The following LAMB1 variants were observed in gnomAD, a reference collection of about 807,000 sequenced individuals.
The protein encoded by LAMB1 is laminin subunit beta-1.
A neutral mutation model predicts 222.3 loss-of-function variants in LAMB1; 121 were observed. That is an observed-to-expected ratio of 0.54 (90% CI 0.47 to 0.63). LAMB1 has a LOEUF of 0.63. Among genes scored for constraint, LAMB1 ranks in the 30% least tolerant of loss-of-function variants. The probability of loss-of-function intolerance (pLI) is 0.00; values close to 1 mark genes in which losing one functional copy is unlikely to be tolerated. For missense variants in LAMB1, 2,172 were observed against 2,240.8 expected, an observed-to-expected ratio of 0.97 and a Z score of 0.62; for synonymous variants, 794 against 807.2, an observed-to-expected ratio of 0.98 and a Z score of 0.28.
chr7:107,967,416 G>T (rs145125645), intron 13 of LAMB1, among the ~76,000 whole-genome samples: 1 of 152,030 alleles, frequency 6.6e-6, no homozygotes, highest in South Asian at 2.1e-4. Context: ...TGTCTACCAC[G>T]GGCCAACCGA....
intron 22 of LAMB1, among the ~76,000 whole-genome samples, chr7:107,952,839 C>T (rs1382946352): frequency 6.6e-6 from 1 of 152,214 alleles, no homozygotes; most frequent in East Asian, 1.9e-4. Context: ...CTGGAAGGCT[C>T]TATTCCATCA....
Position 107,929,619 on chromosome 7 carries a change from T to A in LAMB1, c.4538A>T (p.Gln1513Leu), listed in dbSNP as rs753090875. Residue 1513 changes from glutamine (Q) to leucine (L), a missense_variant and splice_region_variant, in exon 30 of 34, where the codon CAG becomes CTG. Transcript: ENST00000222399. ...LIKQIRNFLT[Q>L]DSADLDSIEA... ...AATGCTGTCCAAATCAGCACTATCC[T>A]CTGTGAAAAGCAAAGATGTCCCCAA... is the stretch of plus-strand genomic sequence containing the variant. The A allele has an allele frequency of 6.2e-7, 1 of 1,613,584 alleles. No homozygotes were observed. The highest frequency in any genetic ancestry group is 8.5e-7 in the Non-Finnish European group (1 of 1,179,602).
chr7:107,943,033 T>C (rs1338085264), intron 24 of LAMB1, among the ~76,000 whole-genome samples: 3 of 152,230 alleles, frequency 2.0e-5, no homozygotes, highest in African/African-American at 7.2e-5. Context: ...TTCCAGGTAC[T>C]TAAAGTATGT....
At chr7:107,962,707 C>CAAAAA (rs57580761) in intron 15 of LAMB1, among the ~76,000 whole-genome samples, 198 bp downstream of exon 15, 4 of 98,668 alleles carry the variant, frequency 4.1e-5, no homozygotes, top group African/African-American at 7.1e-5. Context: ...GAGCGAGACT[C>CAAAAA]AAAAAAAAAA....
At chr7:107,971,420 A>G (rs2033746286) in intron 13 of LAMB1, among the ~76,000 whole-genome samples, 1 of 152,226 alleles carries the variant, frequency 6.6e-6, no homozygotes, top group South Asian at 2.1e-4. Flanking sequence ...CCCAAGCGGC[A>G]TCTGTGCACA....
At chr7:107,924,139 C>G (rs1366955409) in intron 33 of LAMB1, 52 bp from the exon 34 acceptor site, 4 of 1,524,640 alleles carry the variant, frequency 2.6e-6, no homozygotes, top group African/African-American at 1.4e-5. Flanking sequence ...CTATGATGAT[C>G]TCAAGACAAA....
chr7:107,978,777 A>C lies in LAMB1; in HGVS notation c.880-610T>G, dbSNP rs142757721. Among the ~76,000 whole-genome samples the C allele has an allele frequency of 3.9e-5, 6 of 152,354 alleles. No individual in the cohort carries two copies. In the East Asian group the frequency reaches 1.2e-3, roughly 29 times the overall value. On this transcript the variant is annotated intron_variant, in intron 8 of 33. Transcript: ENST00000222399. Reference sequence around the variant, plus strand: ...AGGAAATATAAGATCTCGTAAAAGAAATATATTAATTTGCCTGATGAAAGG... The same window carrying C: ...AGGAAATATAAGATCTCGTAAAAGACATATATTAATTTGCCTGATGAAAGG...
At chr7:107,996,648 C>A (rs1322737831) in intron 4 of LAMB1, among the ~76,000 whole-genome samples, 1 of 152,198 alleles carries the variant, frequency 6.6e-6, no homozygotes, top group Non-Finnish European at 1.5e-5. Context: ...AGAACTCAAG[C>A]CCCTCTACTG....
chr7:107,965,440 G>C lies in LAMB1; in HGVS notation c.1563-753C>G, dbSNP rs142582855. Among the ~76,000 whole-genome samples, 4 of 152,094 alleles carry C rather than the reference G, an allele frequency of 2.6e-5. No individual in the cohort carries two copies. The South Asian group carries it at 6.2e-4, about 24-fold the overall frequency. ...ACTAAAAATACAAAATTAGCTGGGCGTGGTGGCGCAGGCCTGTAATCCCAG... is the reference window on the plus strand; with the variant it reads ...ACTAAAAATACAAAATTAGCTGGGCCTGGTGGCGCAGGCCTGTAATCCCAG... On this transcript the variant is annotated intron_variant, in intron 13 of 33. Coordinates refer to ENST00000222399, the MANE Select transcript of LAMB1 (RefSeq NM_002291.3).
At chr7:107,987,127 G>A (rs1238597991) in intron 5 of LAMB1, among the ~76,000 whole-genome samples, 1 of 152,150 alleles carries the variant, frequency 6.6e-6, no homozygotes, top group East Asian at 1.9e-4. Context: ...CCATAAAGAG[G>A]AATGAAATGC....
intron 9 of LAMB1, among the ~76,000 whole-genome samples, chr7:107,976,594 G>A (rs1268823866): frequency 6.6e-6 from 1 of 152,042 alleles, no homozygotes; most frequent in African/African-American, 2.4e-5. Flanking sequence ...CTCCCACCTT[G>A]CCTGTCTCCC....
At chr7:107,958,561 G>C (rs572472487) in intron 20 of LAMB1, among the ~76,000 whole-genome samples, 2 of 152,354 alleles carry the variant, frequency 1.3e-5, no homozygotes, top group South Asian at 4.1e-4. Context: ...ACAGTGAAAA[G>C]GTGGAGACTA....
At chr7:107,931,240 T>TG in intron 29 of LAMB1, 116 bp downstream of exon 29, 2 of 881,412 alleles carry the variant, frequency 2.3e-6, no homozygotes, top group Non-Finnish European at 1.8e-6. Flanking sequence ...TATACGGACG[T>TG]TTTTCTTATT....
chr7:107,970,733 ATTT>A (rs112356688), intron 13 of LAMB1, among the ~76,000 whole-genome samples: 12 of 145,980 alleles, frequency 8.2e-5, no homozygotes, highest in Admixed American at 8.2e-4. Context: ...AGGTCTTATT[ATTT>A]TTTTTTTTTC....
At position 108,002,952 on chromosome 7, in the gene LAMB1, C is replaced by T. The variant is rs1295441547; in HGVS notation, c.-67G>A. The T allele has an allele frequency of 4.4e-6, 7 of 1,608,580 alleles. No individual in the cohort carries two copies. The highest frequency in any genetic ancestry group is 5.9e-6 in the Non-Finnish European group (7 of 1,178,558). ...GAAGACGCCCGCCGAGCCGCCTGCCCTTTCTTCCCGTCTTCCTTTCTGGAG... is the reference window on the plus strand; with the variant it reads ...GAAGACGCCCGCCGAGCCGCCTGCCTTTTCTTCCCGTCTTCCTTTCTGGAG... On this transcript the variant is annotated 5_prime_UTR_variant, in exon 2 of 34. Transcript: ENST00000222399.
rs775956635 is a variant in LAMB1, at chr7:107,960,719, C to T, written c.2110-70G>A. 93 of 1,353,372 alleles carry T rather than the reference C, an allele frequency of 6.9e-5. No individual in the cohort carries two copies. The Middle Eastern group carries it at 2.0e-3, about 30-fold the overall frequency. 83.8% of individuals were successfully genotyped at this position (1,353,372 alleles called of 1,614,324 possible). ...CATGGCATGGGTTTAAGCAAGCAAA[C>T]GTGTAGAAAACCCAAATGCTTCTTT... On this transcript the variant is annotated intron_variant, in intron 17 of 33. Coordinates refer to ENST00000222399, the MANE Select transcript of LAMB1 (RefSeq NM_002291.3).
intron 5 of LAMB1, among the ~76,000 whole-genome samples, chr7:107,988,345 G>A (rs1235334190): frequency 6.6e-6 from 1 of 152,180 alleles, no homozygotes; most frequent in Non-Finnish European, 1.5e-5. Flanking sequence ...CTTGGAAAAA[G>A]TGGTCTGGCA....
At chr7:107,987,378 T>C (rs1563006107) in intron 5 of LAMB1, among the ~76,000 whole-genome samples, 1 of 152,196 alleles carries the variant, frequency 6.6e-6, no homozygotes, top group Non-Finnish European at 1.5e-5. Flanking sequence ...TTGCTCAACA[T>C]TGTGACTATA....
chr7:107,983,470 A>T (rs2034012446), intron 7 of LAMB1, among the ~76,000 whole-genome samples: 1 of 151,898 alleles, frequency 6.6e-6, no homozygotes, highest in Non-Finnish European at 1.5e-5. Context: ...CAACAAATGT[A>T]GCAACAGCTT....
Sources: gnomAD v4.1 joint callset for allele counts (sites outside exome capture counted in the v4.1 genomes callset) on GRCh38, gnomAD v4.1.1 for gene constraint, MANE v1.5 for transcripts, NCBI Gene and HGNC (gene_info 2026-07-23, HGNC 2026-07-21) for gene names.